The following ROBO2 variants were observed in gnomAD, a reference collection of about 807,000 sequenced individuals.
The protein encoded by ROBO2 is roundabout guidance receptor 2, also known as roundabout homolog 2.
ROBO2 carries 53 observed loss-of-function variants against 160.8 expected under a neutral mutation model. The observed-to-expected ratio is 0.33, with a 90% CI of 0.26 to 0.41. The LOEUF (loss-of-function observed/expected upper bound fraction) is 0.41, where lower values mean the gene tolerates loss of function less well. ROBO2 is among the 10% of genes least tolerant of loss of function. ROBO2 has a pLI of 1.00. For missense variants in ROBO2, 1,577 were observed against 1,722.4 expected (o/e 0.92, Z 1.49); for synonymous variants, 664 against 611.7 (o/e 1.09, Z -1.26).
In ROBO2 at chr3:76,288,001, C is replaced by G. The variant is rs189910593; in HGVS notation, c.109+350399C>G. On this transcript the variant is annotated intron_variant, in intron 2 of 26. Transcript: ENST00000487694. The stretch of plus-strand genomic sequence containing the variant: ...GAGTAAAAACAATTTCCAGGCTTAT[C>G]TTTTGAAGAAATCTGTTCTACTGAA... Among the ~76,000 whole-genome samples the G allele has an allele frequency of 4.3e-4, 65 of 152,234 alleles. 2 individuals are homozygous for G. The East Asian group carries it at 8.5e-3, about 20-fold the overall frequency.
intron 1 of ROBO2, among the ~76,000 whole-genome samples, chr3:77,067,646 G>A (rs1284084739): frequency 1.3e-5 from 2 of 152,126 alleles, no homozygotes; most frequent in African/African-American, 4.8e-5. Flanking sequence ...TGAATTGAGT[G>A]TTTGTTTTTT....
chr3:76,049,403 A>ATATATATAT (rs1414664360), intron 2 of ROBO2, among the ~76,000 whole-genome samples: 1 of 53,752 alleles, frequency 1.9e-5, no homozygotes, highest in East Asian at 6.3e-4. Context: ...ATATATATAT[A>ATATATATAT]TTTTTTTTTT....
chr3:76,314,181 C>G (rs1301780115), intron 2 of ROBO2, among the ~76,000 whole-genome samples: 1 of 152,000 alleles, frequency 6.6e-6, no homozygotes, highest in African/African-American at 2.4e-5. Context: ...GGCAGGTGTC[C>G]CATCTGATTA....
chr3:76,881,712 T>A (rs1294995504), intron 2 of ROBO2, among the ~76,000 whole-genome samples: 1 of 152,242 alleles, frequency 6.6e-6, no homozygotes, highest in Non-Finnish European at 1.5e-5. Flanking sequence ...TAGTTTTCTC[T>A]TACTCAAAAT....
intron 2 of ROBO2, among the ~76,000 whole-genome samples, chr3:77,417,898 G>T (rs2077389895): frequency 6.6e-6 from 1 of 151,658 alleles, no homozygotes; most frequent in African/African-American, 2.4e-5. Flanking sequence ...ATTCCTTTAA[G>T]GTATTTAAAA....
intron 2 of ROBO2, among the ~76,000 whole-genome samples, chr3:76,460,359 C>G (rs752588145): frequency 1.3e-5 from 2 of 152,152 alleles, no homozygotes; most frequent in South Asian, 4.2e-4. Flanking sequence ...AACAGGAAAC[C>G]TATAAGTGTG....
chr3:76,190,620 T>G (rs1008851691), intron 2 of ROBO2, among the ~76,000 whole-genome samples: 2 of 152,126 alleles, frequency 1.3e-5, no homozygotes, highest in African/African-American at 4.8e-5. Flanking sequence ...ATGTTAATGT[T>G]TCTGTCTTAT....
intron 6 of ROBO2, 97 bp from the exon 7 acceptor site, chr3:77,527,306 T>G (rs1178789149): frequency 2.2e-6 from 2 of 915,000 alleles, no homozygotes; most frequent in Non-Finnish European, 3.0e-6. Flanking sequence ...TTGTCCATAC[T>G]TAAATGTAAC....
At chr3:76,935,196 A>G (rs1392228700) in intron 2 of ROBO2, among the ~76,000 whole-genome samples, 3 of 151,852 alleles carry the variant, frequency 2.0e-5, no homozygotes, top group African/African-American at 7.3e-5. Flanking sequence ...CAAACTATCC[A>G]CCCACCTCTG....
chr3:77,541,569 G>C (rs2092462164), intron 6 of ROBO2, among the ~76,000 whole-genome samples: 1 of 152,132 alleles, frequency 6.6e-6, no homozygotes, highest in Non-Finnish European at 1.5e-5. Context: ...TTATATTTGG[G>C]TCTACTTCTC....
intron 2 of ROBO2, among the ~76,000 whole-genome samples, chr3:76,432,368 T>A (rs2076474454): frequency 6.6e-6 from 1 of 152,172 alleles, no homozygotes; most frequent in African/African-American, 2.4e-5. Context: ...CAAAACTCAG[T>A]GACTTAAAAC....
rs987094945 is a variant in ROBO2, at chr3:76,483,324, T to A, written c.109+545722T>A. Reference sequence around the variant, plus strand: ...TAACTGTCATTATTTTTTTTTTCAATTTCAACTTTTATTTTAAGTTCATGG... The same window carrying A: ...TAACTGTCATTATTTTTTTTTTCAAATTCAACTTTTATTTTAAGTTCATGG... On this transcript the variant is annotated intron_variant, in intron 2 of 26. Transcript: ENST00000487694. Among the ~76,000 whole-genome samples the A allele has an allele frequency of 7.4e-5, 11 of 148,408 alleles. 1 individual carries two copies. The highest frequency in any genetic ancestry group is 2.7e-4 in the African/African-American group (11 of 40,458).
At chr3:77,053,392 A>G (rs1429454131) in intron 1 of ROBO2, among the ~76,000 whole-genome samples, 1 of 152,168 alleles carries the variant, frequency 6.6e-6, no homozygotes, top group African/African-American at 2.4e-5. Flanking sequence ...ACTCATGCTC[A>G]TTCCAAAGGC....
chr3:77,055,516 G>C (rs1373345824), intron 1 of ROBO2, among the ~76,000 whole-genome samples: 4 of 152,004 alleles, frequency 2.6e-5, no homozygotes, highest in African/African-American at 7.2e-5. Flanking sequence ...TTTTTGCCTT[G>C]ATTTTCTAAC....
At chr3:75,936,263 T>G (rs1947777948) in intron 1 of ROBO2, among the ~76,000 whole-genome samples, 1 of 152,176 alleles carries the variant, frequency 6.6e-6, no homozygotes, top group Admixed American at 6.5e-5. Flanking sequence ...ATCTTCCCCT[T>G]TCATGATGTA....
rs534563807 is a variant in ROBO2, at chr3:76,804,937, G to A, written c.110-293077G>A. On this transcript the variant is annotated intron_variant, in intron 2 of 26. Coordinates refer to the ROBO2 transcript ENST00000487694. ...AGGTAGTATAAGGAAAAATTTTGAA[G>A]CATTCTAAGACTAGATTTATTTCCA... Among the ~76,000 whole-genome samples the A allele has an allele frequency of 5.3e-5, 8 of 152,198 alleles. No homozygotes were observed. In the South Asian group the frequency reaches 8.3e-4, roughly 16 times the overall value.
chr3:77,624,030 G>A (rs1473287532), intron 23 of ROBO2, among the ~76,000 whole-genome samples: 1 of 152,116 alleles, frequency 6.6e-6, no homozygotes, highest in African/African-American at 2.4e-5. Context: ...CTAGTGTAAT[G>A]TTCATTCCAA....
At chr3:77,258,641 GA>G (rs5850319) in intron 2 of ROBO2, among the ~76,000 whole-genome samples, 74,019 of 147,668 alleles carry the variant, frequency 0.5, 19,643 homozygotes, top group Middle Eastern at 0.69. Flanking sequence ...AAAAAAGGAA[GA>G]AAAAAAAAGT....
chr3:77,463,863 G>A (rs140934647), intron 2 of ROBO2, among the ~76,000 whole-genome samples: 1,910 of 152,176 alleles, frequency 0.013, 36 homozygotes, highest in African/African-American at 0.043. Flanking sequence ...GATTATAGGC[G>A]TCAGCCACCA....
Sources: gnomAD v4.1 joint callset for allele counts (sites outside exome capture counted in the v4.1 genomes callset) on GRCh38, gnomAD v4.1.1 for gene constraint, MANE v1.5 for transcripts, NCBI Gene and HGNC (gene_info 2026-07-23, HGNC 2026-07-21) for gene names.